KIAA0825: variants seen among roughly 807,000 people sequenced by gnomAD.
KIAA0825 encodes uncharacterized protein KIAA0825.
Under a neutral mutation model 147.6 loss-of-function variants are expected in KIAA0825, and 119 were observed. The observed-to-expected ratio is 0.81, with a 90% CI of 0.69 to 0.94. The LOEUF is 0.94. Among genes scored for constraint, KIAA0825 ranks in the 40% least tolerant of loss-of-function variants. The pLI is 0.00. For synonymous variants in KIAA0825, 470 were observed against 518.1 expected, an observed-to-expected ratio of 0.91 and a Z score of 1.26; for missense variants, 1,381 against 1,472.7, an observed-to-expected ratio of 0.94 and a Z score of 1.02.
At chr5:94,272,451 T>C (rs1777035713) in intron 20 of KIAA0825, among the ~76,000 whole-genome samples, 2 of 152,236 alleles carry the variant, frequency 1.3e-5, no homozygotes, top group African/African-American at 2.4e-5. Context: ...AAATATCTCA[T>C]GTACCCCATA....
intron 1 of KIAA0825, among the ~76,000 whole-genome samples, chr5:94,600,455 A>G (rs933228193): frequency 6.6e-6 from 1 of 151,768 alleles, no homozygotes. Context: ...GTGTATATAT[A>G]TATTCCTTAT....
intron 7 of KIAA0825, among the ~76,000 whole-genome samples, chr5:94,474,207 G>A (rs2151001925): frequency 6.6e-6 from 1 of 152,274 alleles, no homozygotes; most frequent in Admixed American, 6.5e-5. Flanking sequence ...AGAAGGGGTT[G>A]AGCTACAGTT....
chr5:94,439,875 C>A (rs571081337), intron 14 of KIAA0825, 107 bp downstream of exon 14: 4 of 1,139,292 alleles, frequency 3.5e-6, no homozygotes, highest in African/African-American at 3.1e-5. Context: ...TTGATACATG[C>A]TATTGGTTTA....
At chr5:94,417,425 A>C (rs1753609144) in intron 14 of KIAA0825, 60 bp from the exon 15 acceptor site, 1 of 1,383,522 alleles carries the variant, frequency 7.2e-7, no homozygotes, top group African/African-American at 1.4e-5. Flanking sequence ...AGTGAATATG[A>C]TTAAACTCTT....
intron 20 of KIAA0825, among the ~76,000 whole-genome samples, chr5:94,260,544 G>A (rs1776440788): frequency 6.6e-6 from 1 of 152,052 alleles, no homozygotes; most frequent in African/African-American, 2.4e-5. Context: ...TAGTTCTGGA[G>A]GTCTCTTATT....
chr5:94,262,404 AAAT>A (rs1776541379), intron 20 of KIAA0825, among the ~76,000 whole-genome samples: 1 of 152,140 alleles, frequency 6.6e-6, no homozygotes, highest in African/African-American at 2.4e-5. Context: ...ATAAAAATTT[AAAT>A]AATAGTTATG....
chr5:94,351,446 GA>G (rs1256572973), intron 20 of KIAA0825, among the ~76,000 whole-genome samples: 1 of 152,072 alleles, frequency 6.6e-6, no homozygotes, highest in Non-Finnish European at 1.5e-5. Flanking sequence ...TAGATGACAT[GA>G]ACAAATGGAA....
intron 20 of KIAA0825, among the ~76,000 whole-genome samples, chr5:94,284,199 C>CT (rs1777573002): frequency 6.6e-6 from 1 of 152,046 alleles, no homozygotes; most frequent in African/African-American, 2.4e-5. Flanking sequence ...CTTCTTGGAC[C>CT]TTTCATGTTC....
At chr5:94,291,081 G>GT (rs777010817) in intron 20 of KIAA0825, among the ~76,000 whole-genome samples, 4 of 152,106 alleles carry the variant, frequency 2.6e-5, no homozygotes, top group Non-Finnish European at 4.4e-5. Flanking sequence ...CATTCTGTAG[G>GT]TTGCCTGTTC....
chr5:94,196,929 A>G (rs1771184965), intron 20 of KIAA0825, among the ~76,000 whole-genome samples: 1 of 152,226 alleles, frequency 6.6e-6, no homozygotes, highest in Non-Finnish European at 1.5e-5. Flanking sequence ...CAATGAATAT[A>G]CAAGTGCATG....
chr5:94,428,121 G>A (rs1283059852), intron 14 of KIAA0825, among the ~76,000 whole-genome samples: 2 of 150,802 alleles, frequency 1.3e-5, no homozygotes, highest in Non-Finnish European at 3.0e-5. Context: ...GTCTCTTGGA[G>A]ACAGCAGAGG....
At chr5:94,501,945 T>C (rs1267398881) in intron 5 of KIAA0825, among the ~76,000 whole-genome samples, 2 of 152,194 alleles carry the variant, frequency 1.3e-5, no homozygotes, top group East Asian at 3.8e-4. Flanking sequence ...ACATATGTCA[T>C]AGTTTGCAGC....
intron 14 of KIAA0825, among the ~76,000 whole-genome samples, chr5:94,432,996 T>C (rs1025166711): frequency 1.3e-5 from 2 of 152,092 alleles, no homozygotes; most frequent in Non-Finnish European, 2.9e-5. Flanking sequence ...ATTAACTATA[T>C]GGTAAGATAA....
rs946430769 is a variant in KIAA0825 at position 94,471,598 on chromosome 5, C to T, written c.1589G>A (p.Arg530Lys). 1 of 1,551,962 alleles carries T rather than the reference C, an allele frequency of 6.4e-7. No homozygotes were observed. Among genetic ancestry groups the T allele is most frequent in the Non-Finnish European group, 8.7e-7 (1 of 1,147,038 alleles). The change falls in exon 9 of 21, where the codon AGA (arginine) becomes AAA (lysine). Residue 530 changes from arginine (R) to lysine (K), a missense_variant. Arg to Lys is a conservative substitution (Grantham distance 26). Transcript: ENST00000682413. Reference sequence around the variant, plus strand: ...AACCTCCTTGGCTCTCTCTTGCAGTCTCTGCAGGACAGCTGTTGCCACTTT... The same window carrying T: ...AACCTCCTTGGCTCTCTCTTGCAGTTTCTGCAGGACAGCTGTTGCCACTTT... ...CCKVATAVLQ[R>K]LQERAKEVPS...
chr5:94,366,486 G>C (rs1431275892), intron 20 of KIAA0825, among the ~76,000 whole-genome samples: 2 of 152,074 alleles, frequency 1.3e-5, no homozygotes, highest in African/African-American at 4.8e-5. Context: ...GTCTTGGGCT[G>C]TGCCTTACTA....
chr5:94,517,600 T>C (rs886395012), intron 5 of KIAA0825, among the ~76,000 whole-genome samples: 1 of 151,888 alleles, frequency 6.6e-6, no homozygotes, highest in Non-Finnish European at 1.5e-5. Context: ...GACTACAGTA[T>C]ACATACAAAG....
intron 20 of KIAA0825, among the ~76,000 whole-genome samples, chr5:94,355,917 A>G (rs1784191842): frequency 6.6e-6 from 1 of 152,204 alleles, no homozygotes; most frequent in East Asian, 1.9e-4. Flanking sequence ...AAAACTAGTA[A>G]GAGAAAAGAA....
intron 20 of KIAA0825, among the ~76,000 whole-genome samples, chr5:94,217,212 T>C (rs940639509): frequency 5.3e-5 from 8 of 152,184 alleles, no homozygotes; most frequent in Non-Finnish European, 1.0e-4. Context: ...ATTTTCTATC[T>C]GGTGTGTGTA....
chr5:94,499,262 C>T (rs1188022503), intron 5 of KIAA0825, among the ~76,000 whole-genome samples: 1 of 152,132 alleles, frequency 6.6e-6, no homozygotes, highest in Admixed American at 6.5e-5. Flanking sequence ...GGCCCAGGTT[C>T]TTTCTGTTTT....
Sources: allele counts gnomAD v4.1 joint callset (sites outside exome capture counted in the v4.1 genomes callset), GRCh38; gene constraint gnomAD v4.1.1; transcripts MANE v1.5; gene names NCBI Gene and HGNC (gene_info 2026-07-23, HGNC 2026-07-21).